SPATA31H1: variants seen among roughly 807,000 people sequenced by gnomAD.
The protein encoded by SPATA31H1 is SPATA31 subfamily H member 1, also known as spermatogenesis-associated protein 31H1.
the SPATA31H1 span, chr2:27,579,541 AC>A: frequency 6.2e-7 from 1 of 1,614,134 alleles, no homozygotes; most frequent in African/African-American, 1.3e-5. Flanking sequence ...ATACAGCAAT[AC>A]TCTGGGACTA....
the SPATA31H1 span, among the ~76,000 whole-genome samples, chr2:27,543,594 G>C: frequency 6.7e-6 from 1 of 150,048 alleles, no homozygotes; most frequent in Admixed American, 6.6e-5. Context: ...CCCAACCTTT[G>C]TGTTGTATAA....
the SPATA31H1 span, chr2:27,568,841 A>G: frequency 7.5e-6 from 3 of 398,920 alleles, no homozygotes; most frequent in Non-Finnish European, 1.3e-5. Flanking sequence ...ACAAAGGGAC[A>G]CAATTTAAGG....
the SPATA31H1 span, chr2:27,576,530 T>G: frequency 6.9e-7 from 1 of 1,450,444 alleles, no homozygotes; most frequent in East Asian, 2.3e-5. Context: ...GCGTTAAATC[T>G]GTGGCCTTTG....
At chr2:27,577,250 G>A in the SPATA31H1 span, 1 of 1,614,016 alleles carries the variant, frequency 6.2e-7, no homozygotes, top group Non-Finnish European at 8.5e-7. This position sits in a 1 kb window ranked among gnomAD's most constrained non-coding sequence, Gnocchi z 4.5. Context: ...TAACTCCAGA[G>A]AAAAGCTACC....
the SPATA31H1 span, chr2:27,570,262 A>C: frequency 2.5e-6 from 1 of 398,854 alleles, no homozygotes; most frequent in Non-Finnish European, 4.4e-6. Context: ...GAAGATATGA[A>C]ATCTGTTCTG....
the SPATA31H1 span, chr2:27,576,950 G>A: frequency 1.9e-6 from 3 of 1,614,022 alleles, no homozygotes; most frequent in South Asian, 3.3e-5. Context: ...CTAGACCAGG[G>A]CATCAGTTTG....
the SPATA31H1 span, chr2:27,582,631 C>T: frequency 1.7e-6 from 2 of 1,178,160 alleles, no homozygotes; most frequent in Non-Finnish European, 2.4e-6. Context: ...GCGCCCCCAG[C>T]GTGGAAAGGC....
At chr2:27,575,595 G>A in the SPATA31H1 span, 1 of 398,368 alleles carries the variant, frequency 2.5e-6, no homozygotes, top group South Asian at 1.3e-4. The surrounding 1 kb of genome is among the most constrained non-coding windows in gnomAD (Gnocchi z 4.1). Context: ...AAAATCTAAG[G>A]TGTTCTGCCT....
chr2:27,548,166 A>G, the SPATA31H1 span, among the ~76,000 whole-genome samples: 1 of 151,588 alleles, frequency 6.6e-6, no homozygotes, highest in Admixed American at 6.6e-5. Context: ...TATTTTTAGT[A>G]GAGACGGGGT....
chr2:27,538,266 A>T, the SPATA31H1 span, among the ~76,000 whole-genome samples: 1 of 152,146 alleles, frequency 6.6e-6, no homozygotes, highest in South Asian at 2.1e-4. Context: ...TTTGAGGAGC[A>T]CTTCTTAAAC....
chr2:27,553,885 GCA>G, the SPATA31H1 span, among the ~76,000 whole-genome samples: 1 of 151,874 alleles, frequency 6.6e-6, no homozygotes, highest in African/African-American at 2.4e-5. Context: ...TCACACCACT[GCA>G]CTCCAGCCTG....
chr2:27,565,895 G>C, the SPATA31H1 span: 1 of 648,046 alleles, frequency 1.5e-6, no homozygotes, highest in Non-Finnish European at 2.8e-6. Flanking sequence ...CTTGAGATGG[G>C]TTAAGTCTGA....
chr2:27,578,657 T>C, the SPATA31H1 span: 1 of 1,614,166 alleles, frequency 6.2e-7, no homozygotes, highest in East Asian at 2.2e-5. Flanking sequence ...CAGAGCCTCC[T>C]AAAGTTATGG....
chr2:27,569,689 T>C, the SPATA31H1 span: 2 of 398,758 alleles, frequency 5.0e-6, no homozygotes, highest in African/African-American at 4.1e-5. Flanking sequence ...ACAGGAGTGG[T>C]AGAATCTGAG....
At chr2:27,579,493 C>T in the SPATA31H1 span, 1 of 1,614,054 alleles carries the variant, frequency 6.2e-7, no homozygotes, top group African/African-American at 1.3e-5. Flanking sequence ...AAAAGAATGG[C>T]CTTAAGGATA....
chr2:27,540,027 ACCTCC>A, the SPATA31H1 span, among the ~76,000 whole-genome samples: 1 of 70,530 alleles, frequency 1.4e-5, no homozygotes, highest in Non-Finnish European at 2.9e-5. Context: ...TGACCCCCCC[ACCTCC>A]CTCCCGGACG....
At chr2:27,581,062 G>C in the SPATA31H1 span, 7 of 1,614,008 alleles carry the variant, frequency 4.3e-6, no homozygotes, top group East Asian at 1.6e-4. Flanking sequence ...GAAACCTCCA[G>C]CCAGGAGTCT....
the SPATA31H1 span, chr2:27,571,989 T>C: frequency 2.5e-6 from 1 of 398,410 alleles, no homozygotes. Flanking sequence ...AGAGCAGCAA[T>C]GTGTGAATTT....
At chr2:27,541,823 G>A in the SPATA31H1 span, among the ~76,000 whole-genome samples, 5 of 152,072 alleles carry the variant, frequency 3.3e-5, no homozygotes, top group South Asian at 8.3e-4. Context: ...TGTCACCCAG[G>A]CTGGAGTGCA....
Sources: allele counts gnomAD v4.1 joint callset (sites outside exome capture counted in the v4.1 genomes callset), GRCh38; gene constraint gnomAD v4.1.1; non-coding constraint Gnocchi (gnomAD v3.1); transcripts MANE v1.5; gene names NCBI Gene and HGNC (gene_info 2026-07-23, HGNC 2026-07-21).